The following FBXL13 variants were observed in gnomAD, a reference collection of about 807,000 sequenced individuals.
The protein encoded by FBXL13 is F-box and leucine rich repeat protein 13.
Under a neutral mutation model 83.6 loss-of-function variants are expected in FBXL13, and 67 were observed. That is an observed-to-expected ratio of 0.80 (90% CI 0.66 to 0.98). The LOEUF (loss-of-function observed/expected upper bound fraction) is 0.98, where lower values mean the gene tolerates loss of function less well. Among genes scored for constraint, FBXL13 ranks in the 50% least tolerant of loss-of-function variants. FBXL13 has a pLI of 0.00. For missense variants in FBXL13, 822 were observed against 866.5 expected, an observed-to-expected ratio of 0.95 and a Z score of 0.64; for synonymous variants, 272 against 299.5, an observed-to-expected ratio of 0.91 and a Z score of 0.95.
intron 17 of FBXL13, among the ~76,000 whole-genome samples, chr7:102,852,346 A>C (rs987737415): frequency 6.6e-6 from 1 of 152,188 alleles, no homozygotes; most frequent in African/African-American, 2.4e-5. Context: ...GTACTTAATT[A>C]AACTAAAAAG....
At chr7:102,947,406 A>C (rs1822712526) in intron 8 of FBXL13, among the ~76,000 whole-genome samples, 1 of 152,220 alleles carries the variant, frequency 6.6e-6, no homozygotes, top group South Asian at 2.1e-4. Context: ...TTGGAAATAA[A>C]GCTCCTGAAC....
chr7:102,944,395 C>G, intron 8 of FBXL13: 1 of 1,614,012 alleles, frequency 6.2e-7, no homozygotes, highest in Non-Finnish European at 8.5e-7. Context: ...CTACAATGTC[C>G]ATTTTAATGG....
chr7:102,879,366 C>T lies in FBXL13; in HGVS notation c.1389-916G>A, dbSNP rs182789535. On this transcript the variant is annotated intron_variant, in intron 14 of 19. Transcript: ENST00000313221. ...CTGAATGAGCCATAGTAGGTGGATG[C>T]GATGCCTGTGTGCCCATCAACCTTC... Among the ~76,000 whole-genome samples, 10 of 151,914 alleles carry T rather than the reference C, an allele frequency of 6.6e-5. No individual in the cohort carries two copies. The East Asian group carries it at 1.5e-3, about 23-fold the overall frequency.
At chr7:102,915,138 T>TTG (rs1181514471) in intron 10 of FBXL13, among the ~76,000 whole-genome samples, 2 of 151,460 alleles carry the variant, frequency 1.3e-5, no homozygotes, top group Non-Finnish European at 2.9e-5. Context: ...TTTTTTTTTT[T>TTG]TTTTACACTG....
At chr7:102,855,149 A>G (rs1476249077) in intron 16 of FBXL13, among the ~76,000 whole-genome samples, 1 of 152,228 alleles carries the variant, frequency 6.6e-6, no homozygotes. Flanking sequence ...TTGTTTCCAG[A>G]TAAATGTTAT....
intron 11 of FBXL13, among the ~76,000 whole-genome samples, chr7:102,909,706 G>A (rs774739859): frequency 2.0e-5 from 3 of 152,154 alleles, no homozygotes; most frequent in Non-Finnish European, 2.9e-5. Context: ...CCTGGAACGA[G>A]GGCCTTATGA....
chr7:103,027,515 T>C, exon 5 of FBXL13: 1 of 1,613,360 alleles, frequency 6.2e-7, no homozygotes, highest in Non-Finnish European at 8.5e-7. Context: ...GGATAATGGT[T>C]AGCTTGTGAC....
chr7:102,843,218 C>T (rs887356288), intron 17 of FBXL13, among the ~76,000 whole-genome samples: 5 of 152,060 alleles, frequency 3.3e-5, no homozygotes, highest in Non-Finnish European at 5.9e-5. Context: ...CTGAGACAGG[C>T]GGATCACCTG....
chr7:102,995,345 G>A (rs1478028848), intron 6 of FBXL13, among the ~76,000 whole-genome samples: 1 of 151,834 alleles, frequency 6.6e-6, no homozygotes, highest in Non-Finnish European at 1.5e-5. Flanking sequence ...GCTGGGCGTG[G>A]TGGTGGGTGC....
chr7:102,991,689 CTTGAG>C (rs967616110), intron 6 of FBXL13, among the ~76,000 whole-genome samples: 3 of 152,162 alleles, frequency 2.0e-5, no homozygotes, highest in Non-Finnish European at 2.9e-5. Context: ...AACACGGACT[CTTGAG>C]TTAATTGATA....
chr7:102,901,656 G>T (rs999098714), intron 11 of FBXL13, among the ~76,000 whole-genome samples: 2 of 152,116 alleles, frequency 1.3e-5, no homozygotes, highest in African/African-American at 4.8e-5. Context: ...GTGAGAATAT[G>T]CAATTTTTTT....
At chr7:103,016,559 G>A (rs1400835342) in intron 6 of FBXL13, among the ~76,000 whole-genome samples, 5 of 152,092 alleles carry the variant, frequency 3.3e-5, no homozygotes, top group Admixed American at 2.0e-4. Context: ...AAGGGGTCAG[G>A]GAATTCCCTT....
chr7:102,853,734 A>G (rs1470923744), intron 17 of FBXL13, among the ~76,000 whole-genome samples: 1 of 152,248 alleles, frequency 6.6e-6, no homozygotes, highest in Admixed American at 6.5e-5. Flanking sequence ...ACTTCTCAAA[A>G]GAAGACATTT....
chr7:103,020,277 C>T lies in FBXL13; in HGVS notation c.495+4786G>A, dbSNP rs540039063. 3.3e-5 allele frequency among the ~76,000 whole-genome samples: 5 copies of T among 152,294 alleles called. No individual in the cohort carries two copies. In the East Asian group the frequency reaches 9.6e-4, roughly 29 times the overall value. On this transcript the variant is annotated intron_variant, in intron 6 of 19. Transcript: ENST00000313221. ...AGGCCTTTGACAAAATTCAACAACC[C>T]TTCGTGCTAAAAATTCTCTATAAAT... is the stretch of plus-strand genomic sequence containing the variant.
intron 1 of FBXL13, among the ~76,000 whole-genome samples, chr7:103,062,679 T>C (rs191325510): frequency 7.2e-5 from 11 of 152,332 alleles, no homozygotes; most frequent in Admixed American, 1.3e-4. Context: ...TTCATCTCTA[T>C]TTCTCCAAGA....
At chr7:102,995,096 G>A (rs1328467233) in intron 6 of FBXL13, among the ~76,000 whole-genome samples, 1 of 152,076 alleles carries the variant, frequency 6.6e-6, no homozygotes, top group Admixed American at 6.5e-5. Context: ...GCTATGGTTT[G>A]AGCACTCTGG....
chr7:102,849,923 T>C lies in FBXL13; in HGVS notation c.1719+4854A>G, dbSNP rs145558993. Among the ~76,000 whole-genome samples the C allele has an allele frequency of 1.7e-4, 26 of 152,000 alleles. No homozygotes were observed. In the East Asian group the frequency reaches 5.0e-3, roughly 29 times the overall value. Reference sequence around the variant, plus strand: ...GGAGGGAACTCAGAGTACAGGTCAATAGGTGCAGCAAACCACCATGACACA... The same window carrying C: ...GGAGGGAACTCAGAGTACAGGTCAACAGGTGCAGCAAACCACCATGACACA... On this transcript the variant is annotated intron_variant, in intron 17 of 19. Transcript: ENST00000313221.
chr7:102,847,471 A>C (rs750245456), intron 17 of FBXL13, among the ~76,000 whole-genome samples: 13 of 152,166 alleles, frequency 8.5e-5, no homozygotes, highest in Non-Finnish European at 1.8e-4. Flanking sequence ...TGGATGATTA[A>C]TTTTTAAAAT....
chr7:103,066,162 A>T (rs569869438), intron 1 of FBXL13, among the ~76,000 whole-genome samples: 1 of 152,222 alleles, frequency 6.6e-6, no homozygotes, highest in Non-Finnish European at 1.5e-5. Context: ...TCAGCTGTCT[A>T]GTTTTATGGG....
Sources: allele counts gnomAD v4.1 joint callset (sites outside exome capture counted in the v4.1 genomes callset), GRCh38; gene constraint gnomAD v4.1.1; transcripts MANE v1.5; gene names NCBI Gene and HGNC (gene_info 2026-07-23, HGNC 2026-07-21).